VPS13C: variants seen among roughly 807,000 people sequenced by gnomAD.
VPS13C encodes intermembrane lipid transfer protein VPS13C.
In VPS13C, 358 loss-of-function variants were observed where a neutral mutation model predicts 456.8. That is an observed-to-expected ratio of 0.78 (90% CI 0.72 to 0.86). The LOEUF is 0.86. Ranked by LOEUF, VPS13C falls within the 40% of genes least tolerant of loss-of-function variation. VPS13C has a pLI of 0.00. For missense variants in VPS13C, 4,818 were observed against 4,385.4 expected (o/e 1.10, Z -2.79); for synonymous variants, 1,578 against 1,486.7 (o/e 1.06, Z -1.41).
intron 49 of VPS13C, among the ~76,000 whole-genome samples, chr15:61,933,102 A>C (rs148765830): frequency 3.1e-4 from 47 of 152,340 alleles, no homozygotes; most frequent in Non-Finnish European, 5.9e-4. Context: ...GTGAGAAGTG[A>C]TAGAAAAAAG....
At chr15:61,878,365 A>G (rs1482653475) in intron 74 of VPS13C, among the ~76,000 whole-genome samples, 1 of 151,942 alleles carries the variant, frequency 6.6e-6, no homozygotes, top group East Asian at 1.9e-4. Context: ...TTATTATTCT[A>G]CATCCATGTA....
intron 22 of VPS13C, among the ~76,000 whole-genome samples, chr15:61,980,082 G>C (rs1462923291): frequency 6.7e-6 from 1 of 149,176 alleles, no homozygotes; most frequent in African/African-American, 2.5e-5. Flanking sequence ...TACTTGTGAG[G>C]CTGAGGCAGG....
rs768043618 is a variant in VPS13C, at chr15:61,978,672, C to T, written c.2244G>A (p.Lys748=). The part of the protein sequence containing the change: ...LEEIMDKAYD[K]FDVEIKNVQL... ...GTACATTTTTTATTTCAACATCAAA[C>T]TTGTCATATGCCTTATCCATTATTT... is the stretch of plus-strand genomic sequence containing the variant. Residue 748 remains lysine, a synonymous_variant, in exon 23 of 85, where the codon AAG becomes AAA. Coordinates refer to ENST00000644861, the MANE Select transcript of VPS13C (RefSeq NM_020821.3). The T allele has an allele frequency of 1.6e-5, 25 of 1,612,670 alleles. No individual in the cohort carries two copies. In the South Asian group the frequency reaches 2.5e-4, roughly 16 times the overall value.
chr15:61,913,300 C>G lies in VPS13C; in HGVS notation c.8550+11G>C, dbSNP rs918174263. 6 of 1,610,562 alleles carry G rather than the reference C, an allele frequency of 3.7e-6. No individual in the cohort carries two copies. In the South Asian group the frequency reaches 4.4e-5, roughly 12 times the overall value. Reference sequence around the variant, plus strand: ...ACGGAATCAAAGGTAAATAAGGAAGCAGAATCTTACCAGGTACTCCATATT... The same window carrying G: ...ACGGAATCAAAGGTAAATAAGGAAGGAGAATCTTACCAGGTACTCCATATT... On this transcript the variant is annotated intron_variant, in intron 62 of 84. Coordinates refer to ENST00000644861, the MANE Select transcript of VPS13C (RefSeq NM_020821.3).
chr15:61,921,854 T>C (rs1319822760), intron 55 of VPS13C, 93 bp downstream of exon 55: 56 of 1,322,942 alleles, frequency 4.2e-5, no homozygotes, highest in Non-Finnish European at 5.7e-5. Flanking sequence ...GCTTCAAGGA[T>C]CCTAGACCAC....
intron 82 of VPS13C, among the ~76,000 whole-genome samples, chr15:61,860,757 A>G (rs77998825): frequency 0.011 from 1,620 of 152,088 alleles, 36 homozygotes; most frequent in African/African-American, 0.037. Flanking sequence ...TGTGCCAGCT[A>G]ATGGGGTTAT....
intron 63 of VPS13C, 28 bp downstream of exon 63, chr15:61,911,812 A>C (rs1488987201): frequency 6.5e-7 from 1 of 1,539,900 alleles, no homozygotes; most frequent in Admixed American, 1.9e-5. Flanking sequence ...ATATTTTAGG[A>C]ATCAGTTGTA....
intron 3 of VPS13C, among the ~76,000 whole-genome samples, 174 bp downstream of exon 3, chr15:62,041,146 GAAGT>G (rs1351066693): frequency 1.3e-5 from 2 of 152,048 alleles, no homozygotes; most frequent in African/African-American, 4.8e-5. Flanking sequence ...ATAAAAAAAA[GAAGT>G]ATGTACGTTT....
At chr15:61,865,569 C>T (rs965806258) in intron 81 of VPS13C, 22 of 801,326 alleles carry the variant, frequency 2.7e-5, no homozygotes, top group Middle Eastern at 6.6e-4. Context: ...TGTATGTTTG[C>T]GTATATATGT....
chr15:62,028,661 T>C (rs972326801), intron 5 of VPS13C, among the ~76,000 whole-genome samples: 10 of 152,104 alleles, frequency 6.6e-5, no homozygotes, highest in Non-Finnish European at 1.5e-4. Context: ...TTTCAAAATA[T>C]GTGAGGCAGG....
intron 66 of VPS13C, among the ~76,000 whole-genome samples, chr15:61,898,949 T>G (rs1235520851): frequency 1.0e-5 from 1 of 99,740 alleles, no homozygotes; most frequent in Non-Finnish European, 2.1e-5. Flanking sequence ...ATTAAGAATC[T>G]CACTCAAAAC....
chr15:61,906,861 A>G (rs994140866), intron 66 of VPS13C: 1 of 184,144 alleles, frequency 5.4e-6, no homozygotes, highest in Non-Finnish European at 1.2e-5. Context: ...TTTGCATACT[A>G]TCAGACTTCA....
At chr15:61,885,444 C>A (rs1896195950) in intron 67 of VPS13C, among the ~76,000 whole-genome samples, 1 of 152,094 alleles carries the variant, frequency 6.6e-6, no homozygotes, top group South Asian at 2.1e-4. Context: ...AAATTTTAAT[C>A]CTGGCCCAGA....
intron 79 of VPS13C, 117 bp from the exon 80 acceptor site, chr15:61,869,740 G>A: frequency 6.6e-7 from 1 of 1,509,626 alleles, no homozygotes. Context: ...ACAAAAATTT[G>A]GCTTTCTAAA....
At chr15:62,019,961 T>G (rs536075688) in intron 9 of VPS13C, among the ~76,000 whole-genome samples, 1 of 146,284 alleles carries the variant, frequency 6.8e-6, no homozygotes, top group Non-Finnish European at 1.5e-5. Context: ...TATATATATA[T>G]ACATATATAT....
At chr15:61,874,521 A>G (rs183987116) in intron 77 of VPS13C, among the ~76,000 whole-genome samples, 212 of 152,194 alleles carry the variant, frequency 1.4e-3, no homozygotes, top group African/African-American at 4.9e-3. Context: ...TGTTTATATA[A>G]ACAGCATTAT....
intron 25 of VPS13C, among the ~76,000 whole-genome samples, chr15:61,973,824 A>C (rs2045625688): frequency 6.6e-6 from 1 of 152,176 alleles, no homozygotes; most frequent in Non-Finnish European, 1.5e-5. Context: ...TCTGTCTATT[A>C]CAATATTAAA....
chr15:62,006,072 G>C (rs1210860950), intron 15 of VPS13C, among the ~76,000 whole-genome samples: 1 of 145,344 alleles, frequency 6.9e-6, no homozygotes, highest in East Asian at 2.0e-4. Flanking sequence ...CTGTTTTTTT[G>C]TTTTTGTTTT....
At position 61,984,953 on chromosome 15, in the gene VPS13C, G is replaced by A. The variant is rs35942317; in HGVS notation, c.1625C>T (p.Thr542Met). The A allele has an allele frequency of 1.2e-3, 1,913 of 1,606,412 alleles. 20 individuals are homozygous for A. In the African/African-American group the frequency reaches 0.022, roughly 18 times the overall value. ...TGGAATATTCTTGTTTTCTCTTATC[G>A]TAACAGAGGTGCTTACTAACTTCAG... ...MTLKLVSTSV[T>M]IRENKNIPEI... Residue 542 changes from threonine (T) to methionine (M), a missense_variant, in exon 19 of 85, where the codon ACG (threonine) becomes ATG (methionine). By Grantham distance (81) the Thr-to-Met change is moderately conservative. Transcript: ENST00000644861.
Sources: gnomAD v4.1 joint callset for allele counts (sites outside exome capture counted in the v4.1 genomes callset) on GRCh38, gnomAD v4.1.1 for gene constraint, MANE v1.5 for transcripts, NCBI Gene and HGNC (gene_info 2026-07-23, HGNC 2026-07-21) for gene names.